Variants in NKAIN2 observed in about 807,000 individuals in gnomAD.
The protein encoded by NKAIN2 is sodium/potassium transporting ATPase interacting 2, also known as sodium/potassium-transporting ATPase subunit beta-1-interacting protein 2.
In NKAIN2, 14 loss-of-function variants were observed where a neutral mutation model predicts 32.6. The ratio of observed to expected loss-of-function variants is 0.43; its 90% CI spans 0.28 to 0.67. The LOEUF is 0.67. Ranked by LOEUF, NKAIN2 falls within the 30% of genes least tolerant of loss-of-function variation. NKAIN2 has a pLI of 0.17. For missense variants in NKAIN2, 198 were observed against 258.3 expected (o/e 0.77, Z 1.60); for synonymous variants, 80 against 87.2 (o/e 0.92, Z 0.46).
intron 1 of NKAIN2, among the ~76,000 whole-genome samples, chr6:124,006,859 G>A (rs12209742): frequency 1.3e-5 from 2 of 152,244 alleles, no homozygotes; most frequent in African/African-American, 2.4e-5. Context: ...GCCTGTTGAA[G>A]TAAACAAAAG....
intron 4 of NKAIN2, among the ~76,000 whole-genome samples, chr6:124,716,783 C>T (rs926156448): frequency 2.0e-5 from 3 of 151,636 alleles, no homozygotes; most frequent in African/African-American, 7.3e-5. Flanking sequence ...TGTCATCTAA[C>T]ATACTATATA....
At chr6:124,324,958 G>A (rs1489249695) in intron 2 of NKAIN2, among the ~76,000 whole-genome samples, 2 of 151,884 alleles carry the variant, frequency 1.3e-5, no homozygotes, top group South Asian at 2.1e-4. Flanking sequence ...TTTTGTTAAG[G>A]ATTTTTGCAT....
intron 3 of NKAIN2, among the ~76,000 whole-genome samples, chr6:124,503,488 A>G (rs1048896253): frequency 6.6e-6 from 1 of 152,184 alleles, no homozygotes; most frequent in Admixed American, 6.5e-5. Flanking sequence ...ATATTGAGTC[A>G]TGCAAGACCT....
At chr6:124,641,529 G>GTTTTTTTTTTTTTTTTTTT (rs1562300001) in intron 3 of NKAIN2, among the ~76,000 whole-genome samples, 1 of 23,832 alleles carries the variant, frequency 4.2e-5, no homozygotes, top group African/African-American at 1.1e-4. Flanking sequence ...TAAAACACTA[G>GTTTTTTTTTTTTTTTTTTT]CTTTTTTTTT....
chr6:124,032,043 A>G (rs973420827), intron 1 of NKAIN2, among the ~76,000 whole-genome samples: 35 of 152,034 alleles, frequency 2.3e-4, no homozygotes, highest in African/African-American at 8.5e-4. Flanking sequence ...GACTGGATTA[A>G]AAAAATGTGG....
rs1774956857 is a variant in NKAIN2, at chr6:123,907,701, A to C, written c.54+103447A>C. Among the ~76,000 whole-genome samples, 3 of 152,186 alleles carry C rather than the reference A, an allele frequency of 2.0e-5. No homozygotes were observed. In the South Asian group the frequency reaches 6.2e-4, roughly 32 times the overall value. On this transcript the variant is annotated intron_variant, in intron 1 of 6. Coordinates refer to ENST00000368417, the MANE Select transcript of NKAIN2 (RefSeq NM_001040214.3). Reference sequence around the variant, plus strand: ...GCCTCTCACCCCCCACTGCTGCCCCAGCCCAATGCATGAATCCATCCCCTC... The same window carrying C: ...GCCTCTCACCCCCCACTGCTGCCCCCGCCCAATGCATGAATCCATCCCCTC...
chr6:124,310,309 A>C (rs1796663372), intron 2 of NKAIN2, among the ~76,000 whole-genome samples: 1 of 152,072 alleles, frequency 6.6e-6, no homozygotes, highest in Non-Finnish European at 1.5e-5. Context: ...AGTGCCTTGT[A>C]TTGCCATGCC....
chr6:124,637,165 A>G (rs1783802677), intron 3 of NKAIN2, among the ~76,000 whole-genome samples: 1 of 152,098 alleles, frequency 6.6e-6, no homozygotes, highest in African/African-American at 2.4e-5. Flanking sequence ...AGGTGCAGAA[A>G]AAGTATCTGA....
intron 1 of NKAIN2, among the ~76,000 whole-genome samples, chr6:124,162,936 A>G (rs189789102): frequency 6.6e-6 from 1 of 152,260 alleles, no homozygotes. Flanking sequence ...TAGTGTAAAT[A>G]AATTTTACTA....
chr6:124,708,677 T>C (rs1251276143), intron 4 of NKAIN2, among the ~76,000 whole-genome samples: 1 of 152,060 alleles, frequency 6.6e-6, no homozygotes, highest in Non-Finnish European at 1.5e-5. Flanking sequence ...GTGATTTTTG[T>C]ACATTGATTT....
chr6:124,041,833 C>T (rs1781886694), intron 1 of NKAIN2, among the ~76,000 whole-genome samples: 1 of 152,016 alleles, frequency 6.6e-6, no homozygotes, highest in African/African-American at 2.4e-5. Context: ...AAACTAAGTT[C>T]AATTTTAACC....
intron 3 of NKAIN2, among the ~76,000 whole-genome samples, chr6:124,615,375 C>T (rs1026434361): frequency 1.2e-4 from 19 of 152,160 alleles, no homozygotes; most frequent in Admixed American, 8.5e-4. Flanking sequence ...TGTACTAAAA[C>T]TAACAAGCAA....
At chr6:124,224,169 C>A (rs533409055) in intron 1 of NKAIN2, among the ~76,000 whole-genome samples, 1 of 152,082 alleles carries the variant, frequency 6.6e-6, no homozygotes, top group Non-Finnish European at 1.5e-5. Context: ...TATTAATTTA[C>A]GTACAGTATG....
rs900093884 is a variant in NKAIN2, at chr6:124,208,396, G to A, written c.55-74609G>A. ...AAACATATAAACCCAACATTTTTCGGTAGAAAGCTAGATTTTCCATATGAT... is the reference window on the plus strand; with the variant it reads ...AAACATATAAACCCAACATTTTTCGATAGAAAGCTAGATTTTCCATATGAT... On this transcript the variant is annotated intron_variant, in intron 1 of 6. Coordinates refer to ENST00000368417, the MANE Select transcript of NKAIN2 (RefSeq NM_001040214.3). Among the ~76,000 whole-genome samples, 5 of 151,526 alleles carry A rather than the reference G, an allele frequency of 3.3e-5. No homozygotes were observed. The East Asian group carries it at 7.8e-4, about 24-fold the overall frequency.
intron 3 of NKAIN2, among the ~76,000 whole-genome samples, chr6:124,635,993 C>A (rs946147723): frequency 1.3e-5 from 2 of 152,114 alleles, no homozygotes; most frequent in Middle Eastern, 3.4e-3. Context: ...AATACATATT[C>A]TTCTCATCAG....
Position 124,658,206 on chromosome 6 carries a change from T to G in NKAIN2, c.294T>G (p.Thr98=). 2 of 1,608,968 alleles carry G rather than the reference T, an allele frequency of 1.2e-6. No homozygotes were observed. The highest frequency in any genetic ancestry group is 1.7e-6 in the Non-Finnish European group (2 of 1,176,936). ...TGCAGGAAACAGACCTTATCCTGACTTTTAATATATCAATGCACCGATCTT... is the reference window on the plus strand; with the variant it reads ...TGCAGGAAACAGACCTTATCCTGACGTTTAATATATCAATGCACCGATCTT... The part of the protein sequence containing the change: ...DLSKETDLIL[T]FNISMHRSWW... Residue 98 remains threonine (T), a synonymous_variant, in exon 4 of 7, where the codon ACT becomes ACG. Transcript: ENST00000368417.
chr6:123,842,315 G>C (rs1488680112), intron 1 of NKAIN2, among the ~76,000 whole-genome samples: 1 of 152,152 alleles, frequency 6.6e-6, no homozygotes, highest in South Asian at 2.1e-4. Flanking sequence ...TCAGTTCCTG[G>C]TGAGGGCTCT....
chr6:124,379,127 G>A (rs552915896), intron 3 of NKAIN2, among the ~76,000 whole-genome samples: 910 of 71,224 alleles, frequency 0.013, 10 homozygotes, highest in Non-Finnish European at 0.021. Context: ...AGAGGGGAGG[G>A]GAGGAGAGGG....
At chr6:124,741,883 A>C (rs958070616) in intron 4 of NKAIN2, among the ~76,000 whole-genome samples, 6 of 151,920 alleles carry the variant, frequency 3.9e-5, no homozygotes, top group African/African-American at 1.4e-4. Context: ...AGTTGTGTCC[A>C]TTAATAGGGA....
Sources: gnomAD v4.1 joint callset for allele counts (sites outside exome capture counted in the v4.1 genomes callset) on GRCh38, gnomAD v4.1.1 for gene constraint, MANE v1.5 for transcripts, NCBI Gene and HGNC (gene_info 2026-07-23, HGNC 2026-07-21) for gene names.